The following DAB1 variants were observed in gnomAD, a reference collection of about 807,000 sequenced individuals.
The protein encoded by DAB1 is DAB adaptor protein 1, also known as disabled homolog 1.
A neutral mutation model predicts 64.6 loss-of-function variants in DAB1; 15 were observed. The ratio of observed to expected loss-of-function variants is 0.23; its 90% CI spans 0.16 to 0.36. The LOEUF (loss-of-function observed/expected upper bound fraction) is 0.36. Among genes scored for constraint, DAB1 ranks in the 10% least tolerant of loss-of-function variants. DAB1 has a pLI of 1.00. For missense variants in DAB1, 596 were observed against 706.7 expected (o/e 0.84, Z 1.78); for synonymous variants, 235 against 251.9 (o/e 0.93, Z 0.64).
Position 57,882,260 on chromosome 1 carries a change from T to C in DAB1, n.87+1739A>G, listed in dbSNP as rs977935368. ...ACACATCCAGCCTGTCCACAGGACA[T>C]GAGTCTAAGAGTTTTCTTCTCTGCT... On this transcript the variant is annotated intron_variant and non_coding_transcript_variant, in intron 1 of 1. Transcript: ENST00000477280. Among the ~76,000 whole-genome samples the C allele has an allele frequency of 1.2e-4, 19 of 152,306 alleles. No homozygotes were observed. The East Asian group carries it at 3.7e-3, about 29-fold the overall frequency.
At chr1:57,701,600 G>C (rs889385670) in intron 6 of DAB1, among the ~76,000 whole-genome samples, 3 of 151,850 alleles carry the variant, frequency 2.0e-5, no homozygotes, top group African/African-American at 7.3e-5. Flanking sequence ...GCTAAATGAC[G>C]AGTTAATGGG....
chr1:57,712,497 T>C (rs1647038957), intron 6 of DAB1, among the ~76,000 whole-genome samples: 1 of 152,230 alleles, frequency 6.6e-6, no homozygotes, highest in Non-Finnish European at 1.5e-5. Context: ...ATTAGTGATG[T>C]ACCCAATATT....
rs539279195 is a variant in DAB1, at chr1:57,953,935, C to T, written n.388-69773G>A. On this transcript the variant is annotated intron_variant and non_coding_transcript_variant, in intron 5 of 20. Transcript: ENST00000485760. ...ATAACTGGCTGCCCACTGGTAGGAACATTGGATATTTCACCACCAACTCCC... is the reference window on the plus strand; with the variant it reads ...ATAACTGGCTGCCCACTGGTAGGAATATTGGATATTTCACCACCAACTCCC... 2.5e-4 allele frequency among the ~76,000 whole-genome samples: 38 copies of T among 152,272 alleles called. 1 individual carries two copies. Among genetic ancestry groups the T allele is most frequent in the Admixed American group, 1.1e-3 (17 of 15,282 alleles).
intron 1 of DAB1, among the ~76,000 whole-genome samples, chr1:57,397,433 T>C (rs1341914512): frequency 6.6e-6 from 1 of 152,220 alleles, no homozygotes; most frequent in African/African-American, 2.4e-5. Flanking sequence ...TATTTTTTTC[T>C]TCCAGACCTT....
intron 7 of DAB1, among the ~76,000 whole-genome samples, chr1:57,535,470 CT>C (rs11358277): frequency 0.29 from 37,262 of 130,016 alleles, 4,950 homozygotes; most frequent in African/African-American, 0.42. Context: ...GTTGGACATT[CT>C]TTTTTTTTTT....
intron 4 of DAB1, among the ~76,000 whole-genome samples, chr1:58,244,260 A>G (rs894232810): frequency 1.3e-5 from 2 of 152,218 alleles, no homozygotes; most frequent in East Asian, 3.8e-4. Flanking sequence ...AATAACAATG[A>G]CGACGACTGT....
At chr1:58,388,165 A>G (rs12083631) in intron 3 of DAB1, among the ~76,000 whole-genome samples, 19,292 of 152,154 alleles carry the variant, frequency 0.13, 1,787 homozygotes, top group African/African-American at 0.26. Flanking sequence ...GGAAGATTAG[A>G]GTCTTTCAGG....
At chr1:57,010,820 T>C in intron 13 of DAB1, 30 bp from the exon 14 acceptor site, 3 of 1,474,696 alleles carry the variant, frequency 2.0e-6, no homozygotes, top group Non-Finnish European at 2.7e-6. Context: ...TACTTTTTTT[T>C]TTCTCTCTTT....
chr1:58,542,294 C>T (rs568911288), intron 1 of DAB1, among the ~76,000 whole-genome samples: 1 of 152,238 alleles, frequency 6.6e-6, no homozygotes, highest in Admixed American at 6.5e-5. Flanking sequence ...ATAATTTAAG[C>T]CTAGAAGTCA....
chr1:58,247,257 T>TC (rs1557712867), intron 4 of DAB1, among the ~76,000 whole-genome samples: 64 of 101,426 alleles, frequency 6.3e-4, no homozygotes, highest in Admixed American at 2.0e-3. Context: ...CATTTTTCAT[T>TC]TCCCCCCCCG....
chr1:57,013,790 T>G (rs538891178), intron 12 of DAB1, among the ~76,000 whole-genome samples: 1 of 152,284 alleles, frequency 6.6e-6, no homozygotes, highest in Non-Finnish European at 1.5e-5. Flanking sequence ...GTCAAACAAG[T>G]GTACATGTGC....
intron 4 of DAB1, among the ~76,000 whole-genome samples, chr1:58,272,683 G>A (rs1168698285): frequency 6.7e-6 from 1 of 149,514 alleles, no homozygotes; most frequent in African/African-American, 2.5e-5. Flanking sequence ...GGTCACTCAC[G>A]ACTTGCTTTA....
intron 6 of DAB1, among the ~76,000 whole-genome samples, chr1:57,715,141 CAT>C (rs1274647427): frequency 1.3e-5 from 2 of 152,122 alleles, no homozygotes; most frequent in Non-Finnish European, 2.9e-5. Context: ...AATCAATGAA[CAT>C]GATAAATCAC....
chr1:58,127,586 GT>G (rs1653202220), intron 5 of DAB1, among the ~76,000 whole-genome samples: 1 of 152,124 alleles, frequency 6.6e-6, no homozygotes, highest in Non-Finnish European at 1.5e-5. Flanking sequence ...GGTTTTTATG[GT>G]TTTAGGTCTA....
chr1:57,965,266 T>C (rs1394440023), intron 5 of DAB1, among the ~76,000 whole-genome samples: 1 of 152,158 alleles, frequency 6.6e-6, no homozygotes, highest in African/African-American at 2.4e-5. Flanking sequence ...TCTCTTCACA[T>C]GAACTAATAA....
chr1:58,040,173 G>T (rs1647113285), intron 5 of DAB1, among the ~76,000 whole-genome samples: 2 of 151,994 alleles, frequency 1.3e-5, no homozygotes, highest in African/African-American at 4.8e-5. Context: ...TATTACCAGT[G>T]GTCACCCAAT....
At chr1:57,914,323 T>G (rs1377160368) in intron 5 of DAB1, among the ~76,000 whole-genome samples, 1 of 149,768 alleles carries the variant, frequency 6.7e-6, no homozygotes, top group Non-Finnish European at 1.5e-5. Flanking sequence ...AAACCATTAT[T>G]CTCAGCAAAC....
At chr1:57,808,140 C>A (rs780631886) in intron 6 of DAB1, among the ~76,000 whole-genome samples, 8 of 151,346 alleles carry the variant, frequency 5.3e-5, no homozygotes, top group African/African-American at 1.9e-4. Flanking sequence ...TATTCTCCCT[C>A]TCTCTCTCTG....
chr1:57,775,532 T>G (rs371361234), intron 6 of DAB1, among the ~76,000 whole-genome samples: 1 of 151,590 alleles, frequency 6.6e-6, no homozygotes, highest in Non-Finnish European at 1.5e-5. Flanking sequence ...CATGTTTTAG[T>G]TGGTATTTTC....
Sources: gnomAD v4.1 joint callset for allele counts (sites outside exome capture counted in the v4.1 genomes callset) on GRCh38, gnomAD v4.1.1 for gene constraint, MANE v1.5 for transcripts, NCBI Gene and HGNC (gene_info 2026-07-23, HGNC 2026-07-21) for gene names.